BPNT1: variants seen among roughly 807,000 people sequenced by gnomAD.
BPNT1 encodes the protein 3'(2'), 5'-bisphosphate nucleotidase 1, also known as 3'(2'),5'-bisphosphate nucleotidase 1.
Under a neutral mutation model 36.9 loss-of-function variants are expected in BPNT1, and 28 were observed. The ratio of observed to expected loss-of-function variants is 0.76; its 90% CI spans 0.56 to 1.04. The LOEUF (loss-of-function observed/expected upper bound fraction) is 1.04, where lower values mean the gene tolerates loss of function less well. Among genes scored for constraint, BPNT1 ranks in the 50% least tolerant of loss-of-function variants. BPNT1 has a pLI of 0.00. For missense variants in BPNT1, 313 were observed against 372.9 expected, an observed-to-expected ratio of 0.84 and a Z score of 1.32; for synonymous variants, 119 against 130.9, an observed-to-expected ratio of 0.91 and a Z score of 0.62.
In BPNT1 at chr1:220,082,081, T is replaced by TAG. The variant is rs1436682340; in HGVS notation, c.-8-2228_-8-2227insCT. On this transcript the variant is annotated intron_variant, in intron 1 of 8. Coordinates refer to ENST00000322067, the MANE Select transcript of BPNT1 (RefSeq NM_006085.6). ...CAAGGACAATATATATATATATATA[T>TAG]ATATAGAGAGAGAGAGAGAGAGAGA... Among the ~76,000 whole-genome samples, 303 of 109,762 alleles carry TAG rather than the reference T, an allele frequency of 2.8e-3. 1 individual carries two copies. Among genetic ancestry groups the TAG allele is most frequent in the East Asian group, 0.013 (49 of 3,856 alleles). The allele number at this position is 109,762 out of a possible 152,430, so 72.0% of individuals were successfully genotyped here.
At chr1:220,067,161 T>A (rs1663609327) in intron 6 of BPNT1, 141 bp downstream of exon 6, 4 of 257,010 alleles carry the variant, frequency 1.6e-5, no homozygotes. Context: ...AATAAATAAA[T>A]AAAATTTAAA....
intron 5 of BPNT1, among the ~76,000 whole-genome samples, chr1:220,067,994 G>GCA (rs1484384373): frequency 6.6e-6 from 1 of 151,944 alleles, no homozygotes; most frequent in African/African-American, 2.4e-5. Flanking sequence ...GATGTTTTCA[G>GCA]CACACACACA....
intron 4 of BPNT1, among the ~76,000 whole-genome samples, chr1:220,071,126 C>T (rs534008127): frequency 6.6e-6 from 1 of 151,866 alleles, no homozygotes; most frequent in African/African-American, 2.4e-5. Flanking sequence ...TCCTAAAGTG[C>T]TGAGATTACA....
Position 220,074,088 on chromosome 1 carries a change from A to C in BPNT1, c.121-17T>G. 6.2e-7 allele frequency: 1 copy of C among 1,604,006 alleles called. No homozygotes were observed. Among genetic ancestry groups the C allele is most frequent in the South Asian group, 1.1e-5 (1 of 88,500 alleles). On this transcript the variant is annotated splice_polypyrimidine_tract_variant and intron_variant, in intron 2 of 8. Coordinates refer to ENST00000322067, the MANE Select transcript of BPNT1 (RefSeq NM_006085.6). ...TGCACAGGTCTGTAATAAAGAATGC[A>C]AATTTTAGCAGAGCTAATGAAAAAT... is the stretch of plus-strand genomic sequence containing the variant.
At chr1:220,072,136 GC>G (rs1664118875) in intron 4 of BPNT1, among the ~76,000 whole-genome samples, 1 of 150,594 alleles carries the variant, frequency 6.6e-6, no homozygotes, top group Non-Finnish European at 1.5e-5. Flanking sequence ...GCTGAGGTAG[GC>G]GGATCACGAG....
intron 7 of BPNT1, 69 bp downstream of exon 7, chr1:220,062,686 CAT>C (rs1663161541): frequency 6.5e-7 from 1 of 1,536,388 alleles, no homozygotes; most frequent in African/African-American, 1.4e-5. Flanking sequence ...ACTCTTATTT[CAT>C]GTTTTTAGAA....
In BPNT1 at chr1:220,058,470, A is replaced by G. The variant is rs575759772; in HGVS notation, c.*374T>C. 1.2e-5 allele frequency: 12 copies of G among 982,464 alleles called. 1 individual carries two copies. In the South Asian group the frequency reaches 5.5e-4, roughly 45 times the overall value. 60.9% of individuals were successfully genotyped at this position (982,464 alleles called of 1,614,324 possible). A position where few individuals can be genotyped will look rare whatever the true frequency, so the allele number is the denominator to read the frequency against. On this transcript the variant is annotated 3_prime_UTR_variant, in exon 9 of 9. Coordinates refer to ENST00000322067, the MANE Select transcript of BPNT1 (RefSeq NM_006085.6). Reference sequence around the variant, plus strand: ...TACCCAATTAATCTTAAAATGTATTATTTTGAGAACCAAGTCTTTCTCCTA... The same window carrying G: ...TACCCAATTAATCTTAAAATGTATTGTTTTGAGAACCAAGTCTTTCTCCTA...
intron 4 of BPNT1, among the ~76,000 whole-genome samples, chr1:220,071,576 A>G (rs753157794): frequency 1.3e-5 from 2 of 152,362 alleles, no homozygotes; most frequent in Admixed American, 6.5e-5. Context: ...ACACTTCCCA[A>G]TTGCAAAACT....
Position 220,072,844 on chromosome 1 carries a change from T to A in BPNT1, c.333+6A>T, listed in dbSNP as rs1664191812. On this transcript the variant is annotated splice_donor_region_variant and intron_variant, in intron 4 of 8. Coordinates refer to ENST00000322067, the MANE Select transcript of BPNT1 (RefSeq NM_006085.6). Reference sequence around the variant, plus strand: ...ATAGAGAGTTGAGTATAAATATGGGTCATACATCTTCTTCTTTAATAGCAC... The same window carrying A: ...ATAGAGAGTTGAGTATAAATATGGGACATACATCTTCTTCTTTAATAGCAC... 2 of 1,605,730 alleles carry A rather than the reference T, an allele frequency of 1.2e-6. No individual in the cohort carries two copies. The highest frequency in any genetic ancestry group is 1.1e-5 in the South Asian group (1 of 90,872).
intron 1 of BPNT1, among the ~76,000 whole-genome samples, chr1:220,083,418 C>A (rs1476293724): frequency 2.6e-5 from 4 of 151,600 alleles, no homozygotes; most frequent in Non-Finnish European, 5.9e-5. Flanking sequence ...GGGTTCACAC[C>A]ATTATCCTGC....
At chr1:220,066,160 G>A in intron 6 of BPNT1, 1 of 1,410,298 alleles carries the variant, frequency 7.1e-7, no homozygotes, top group Non-Finnish European at 9.5e-7. Context: ...AGAAAGAAGT[G>A]GTGAAAATTA....
intron 7 of BPNT1, 130 bp downstream of exon 7, chr1:220,062,627 A>G: frequency 1.1e-6 from 1 of 949,476 alleles, no homozygotes. Flanking sequence ...TCTTTATAGC[A>G]GCATGATTTA....
At chr1:220,078,898 A>C (rs1558097218) in intron 2 of BPNT1, among the ~76,000 whole-genome samples, 1 of 152,100 alleles carries the variant, frequency 6.6e-6, no homozygotes, top group African/African-American at 2.4e-5. Context: ...CCCGGTCAGA[A>C]GATTGTGCTT....
At position 220,072,946 on chromosome 1, in the gene BPNT1, A is replaced by G. The variant is rs746254440; in HGVS notation, c.237T>C (p.Ser79=). 1.9e-6 allele frequency: 3 copies of G among 1,613,916 alleles called. No homozygotes were observed. Among genetic ancestry groups the G allele is most frequent in the Non-Finnish European group, 8.5e-7 (1 of 1,179,844 alleles). ...LTIIGEEDLP[S]EEVDQELIED... is the part of the protein sequence containing the mutation. ...CAATCAGCTCTTGATCCACTTCCTC[A>G]GAAGGCAGATCCTAAAGCAGAGATA... The change falls in exon 4 of 9, where the codon TCT becomes TCC. Residue 79 remains serine, a synonymous_variant. Coordinates refer to ENST00000322067, the MANE Select transcript of BPNT1 (RefSeq NM_006085.6).
intron 1 of BPNT1, among the ~76,000 whole-genome samples, 197 bp from the exon 2 acceptor site, chr1:220,080,051 T>A (rs1392151465): frequency 6.6e-6 from 1 of 152,226 alleles, no homozygotes; most frequent in Non-Finnish European, 1.5e-5. Context: ...CTCAATAAAT[T>A]CTGTATTTTT....
At chr1:220,069,179 G>A (rs1003177935) in intron 5 of BPNT1, among the ~76,000 whole-genome samples, 4 of 152,122 alleles carry the variant, frequency 2.6e-5, no homozygotes, top group Admixed American at 6.6e-5. Flanking sequence ...AGTATGTGGG[G>A]GGTGGTATTT....
At chr1:220,068,049 A>T (rs1480656714) in intron 5 of BPNT1, among the ~76,000 whole-genome samples, 1 of 152,168 alleles carries the variant, frequency 6.6e-6, no homozygotes, top group Non-Finnish European at 1.5e-5. Flanking sequence ...CATTATAGCG[A>T]TGTCTCATTC....
At chr1:220,068,697 G>A (rs966638390) in intron 5 of BPNT1, among the ~76,000 whole-genome samples, 15 of 152,050 alleles carry the variant, frequency 9.9e-5, no homozygotes, top group Non-Finnish European at 1.5e-4. Context: ...TGTAATCCCC[G>A]CTACTTGGGA....
At position 220,087,322 on chromosome 1, in the gene BPNT1, C is replaced by T. The variant is rs906516167; in HGVS notation, c.-9+2364G>A. ...CTGTAATCCCAGCACTTCGGGAGGC[C>T]AAGTCGGGCGGATGACGAGGTCAGG... On this transcript the variant is annotated intron_variant, in intron 1 of 8. Transcript: ENST00000322067. Among the ~76,000 whole-genome samples the T allele has an allele frequency of 8.5e-5, 13 of 152,104 alleles. 1 individual carries two copies. The highest frequency in any genetic ancestry group is 3.1e-4 in the African/African-American group (13 of 41,474).
Sources: gnomAD v4.1 joint callset for allele counts (sites outside exome capture counted in the v4.1 genomes callset) on GRCh38, gnomAD v4.1.1 for gene constraint, MANE v1.5 for transcripts, NCBI Gene and HGNC (gene_info 2026-07-23, HGNC 2026-07-21) for gene names.